Variants in PCP4L1 observed in about 807,000 individuals in gnomAD.
PCP4L1 encodes the protein Purkinje cell protein 4-like protein 1.
In PCP4L1, 9 loss-of-function variants were observed where a neutral mutation model predicts 9.6. That is an observed-to-expected ratio of 0.94 (90% CI 0.57 to 1.64). The LOEUF is 1.64. Among genes scored for constraint, PCP4L1 ranks in the 40% most tolerant of loss-of-function variants. The probability of loss-of-function intolerance (pLI) is 0.00; values close to 1 mark genes in which losing one functional copy is unlikely to be tolerated. For missense variants in PCP4L1, 81 were observed against 80.8 expected, an observed-to-expected ratio of 1.00 and a Z score of -0.01; for synonymous variants, 31 against 28.2, an observed-to-expected ratio of 1.10 and a Z score of -0.31.
At chr1:161,259,112 C>G in intron 1 of PCP4L1, 129 bp downstream of exon 1, 1 of 1,323,530 alleles carries the variant, frequency 7.6e-7, no homozygotes, top group Non-Finnish European at 1.0e-6. Context: ...GGGCGCCCCA[C>G]TGCCCTCCTA....
chr1:161,282,936 A>C (rs1669848049), intron 1 of PCP4L1, among the ~76,000 whole-genome samples: 1 of 152,120 alleles, frequency 6.6e-6, no homozygotes, highest in Non-Finnish European at 1.5e-5. Flanking sequence ...GGTTTTCTGC[A>C]ATAACCTCTT....
At chr1:161,276,688 A>G (rs1409992477) in intron 1 of PCP4L1, among the ~76,000 whole-genome samples, 1 of 150,128 alleles carries the variant, frequency 6.7e-6, no homozygotes, top group Non-Finnish European at 1.5e-5. Flanking sequence ...TCTTAAAAAA[A>G]AAAAAAAGGA....
chr1:161,276,725 A>ATGTG lies in PCP4L1; in HGVS notation c.10-6933_10-6930dup, dbSNP rs10623211. ...AATATGTGTGTGTGTGTATATATATATGTGTGTGTGTGTATATATGTGTAT... is the reference window on the plus strand; with the variant it reads ...AATATGTGTGTGTGTGTATATATATATGTGTGTGTGTGTGTGTATATATGTGTAT... On this transcript the variant is annotated intron_variant, in intron 1 of 2. Coordinates refer to ENST00000504449, the MANE Select transcript of PCP4L1 (RefSeq NM_001102566.2). Among the ~76,000 whole-genome samples the ATGTG allele has an allele frequency of 4.7e-3, 683 of 146,574 alleles. 3 individuals carry two copies. Among genetic ancestry groups the ATGTG allele is most frequent in the African/African-American group, 0.016 (636 of 39,638 alleles).
chr1:161,263,311 C>T (rs769817160), intron 1 of PCP4L1, among the ~76,000 whole-genome samples: 4 of 152,094 alleles, frequency 2.6e-5, no homozygotes, highest in South Asian at 4.1e-4. Flanking sequence ...AATCTCGGCT[C>T]GCTGCAACCT....
chr1:161,261,962 A>G (rs1669425103), intron 1 of PCP4L1, among the ~76,000 whole-genome samples: 3 of 152,230 alleles, frequency 2.0e-5, no homozygotes, highest in Non-Finnish European at 2.9e-5. Flanking sequence ...CCACCTTCCC[A>G]ACAAGGGAAG....
intron 1 of PCP4L1, among the ~76,000 whole-genome samples, chr1:161,273,909 C>T (rs536327144): frequency 6.6e-6 from 1 of 152,260 alleles, no homozygotes; most frequent in African/African-American, 2.4e-5. Context: ...CATCCCCATA[C>T]TTTTGATTGG....
intron 1 of PCP4L1, among the ~76,000 whole-genome samples, chr1:161,268,996 T>A (rs1247960261): frequency 1.3e-5 from 2 of 152,246 alleles, no homozygotes; most frequent in Non-Finnish European, 2.9e-5. Context: ...AGGGTATGAA[T>A]CCAGATCTGT....
At chr1:161,262,448 A>AAG (rs1553256886) in intron 1 of PCP4L1, among the ~76,000 whole-genome samples, 32 of 149,310 alleles carry the variant, frequency 2.1e-4, no homozygotes, top group Middle Eastern at 3.5e-3. Flanking sequence ...AAAAAAAAAA[A>AAG]AAAAAAAAGA....
chr1:161,273,420 G>A (rs981334623), intron 1 of PCP4L1, among the ~76,000 whole-genome samples: 1 of 151,460 alleles, frequency 6.6e-6, no homozygotes, highest in Non-Finnish European at 1.5e-5. Flanking sequence ...GTGAGAACCT[G>A]TTTCAAAACA....
chr1:161,283,763 T>C (rs1669861779), intron 2 of PCP4L1, 41 bp downstream of exon 2: 1 of 1,560,960 alleles, frequency 6.4e-7, no homozygotes, highest in Non-Finnish European at 8.7e-7. Flanking sequence ...AGCAGGTGAC[T>C]GTAGAGACAT....
In PCP4L1 at chr1:161,284,555, T is replaced by C; in HGVS notation, c.*74T>C. 1.3e-6 allele frequency: 2 copies of C among 1,552,252 alleles called. No individual in the cohort carries two copies. Among genetic ancestry groups the C allele is most frequent in the Non-Finnish European group, 1.7e-6 (2 of 1,146,184 alleles). ...CCCCTTCTCCACACCCATGTATCTT[T>C]ATCCCTTGTCCCTCTAGCCTTTCCT... On this transcript the variant is annotated 3_prime_UTR_variant, in exon 3 of 3. Coordinates refer to ENST00000504449, the MANE Select transcript of PCP4L1 (RefSeq NM_001102566.2).
At position 161,284,389 on chromosome 1, in the gene PCP4L1, G is replaced by C. The variant is rs1404970568; in HGVS notation, c.115G>C (p.Asp39His). 4 of 1,613,968 alleles carry C rather than the reference G, an allele frequency of 2.5e-6. No individual in the cohort carries two copies. The highest frequency in any genetic ancestry group is 3.3e-4 in the Middle Eastern group (2 of 6,062). Residue 39 changes from aspartate (D) to histidine (H), a missense_variant, in exon 3 of 3, where the codon GAT (aspartate) becomes CAT (histidine). Asp to His is a moderately conservative substitution (Grantham distance 81). Coordinates refer to ENST00000504449, the MANE Select transcript of PCP4L1 (RefSeq NM_001102566.2). ...KAEEEEEIDI[D>H]LTAPETEKAA... ...GGAGGAGGAGGAGGAGATTGACATTGATCTGACAGCACCAGAAACAGAGAA... is the reference window on the plus strand; with the variant it reads ...GGAGGAGGAGGAGGAGATTGACATTCATCTGACAGCACCAGAAACAGAGAA...
intron 1 of PCP4L1, among the ~76,000 whole-genome samples, chr1:161,281,034 G>C (rs992964451): frequency 6.6e-6 from 1 of 152,058 alleles, no homozygotes; most frequent in Non-Finnish European, 1.5e-5. Context: ...TTAGGGAGTG[G>C]TGATGACTCT....
At chr1:161,264,155 C>T (rs1186545663) in intron 1 of PCP4L1, among the ~76,000 whole-genome samples, 17 of 151,568 alleles carry the variant, frequency 1.1e-4, no homozygotes, top group Admixed American at 1.1e-3. Context: ...TCAAGTGATC[C>T]ACCTGTCTTG....
chr1:161,269,176 T>C (rs1198426700), intron 1 of PCP4L1, among the ~76,000 whole-genome samples: 4 of 152,208 alleles, frequency 2.6e-5, no homozygotes, highest in East Asian at 1.9e-4. Context: ...GTTGTAGTTA[T>C]TGTAGCCTAG....
intron 1 of PCP4L1, among the ~76,000 whole-genome samples, chr1:161,272,948 T>C (rs1669646304): frequency 6.6e-6 from 1 of 152,124 alleles, no homozygotes; most frequent in African/African-American, 2.4e-5. Flanking sequence ...GGGTAGGTAC[T>C]CCTGGGGAAA....
chr1:161,267,919 G>C (rs959247406), intron 1 of PCP4L1, among the ~76,000 whole-genome samples: 35 of 152,252 alleles, frequency 2.3e-4, no homozygotes, highest in Non-Finnish European at 3.8e-4. Flanking sequence ...CACCATGTTG[G>C]CCAGGCTGGT....
intron 1 of PCP4L1, among the ~76,000 whole-genome samples, chr1:161,263,024 A>G (rs1669446286): frequency 6.6e-6 from 1 of 152,174 alleles, no homozygotes; most frequent in South Asian, 2.1e-4. Context: ...TAGTGATGCG[A>G]TTTTAGATTT....
At chr1:161,266,410 A>G (rs1669531710) in intron 1 of PCP4L1, among the ~76,000 whole-genome samples, 1 of 152,250 alleles carries the variant, frequency 6.6e-6, no homozygotes, top group Non-Finnish European at 1.5e-5. Flanking sequence ...GTGTGGGGTG[A>G]AGGCACAGCT....
Sources: gnomAD v4.1 joint callset for allele counts (sites outside exome capture counted in the v4.1 genomes callset) on GRCh38, gnomAD v4.1.1 for gene constraint, MANE v1.5 for transcripts, NCBI Gene and HGNC (gene_info 2026-07-23, HGNC 2026-07-21) for gene names.